GCNT1: variants seen among roughly 807,000 people sequenced by gnomAD.
The protein encoded by GCNT1 is glucosaminyl (N-acetyl) transferase 1.
GCNT1 carries 16 observed loss-of-function variants against 26.2 expected under a neutral mutation model. That is an observed-to-expected ratio of 0.61 (90% CI 0.41 to 0.93). The LOEUF (loss-of-function observed/expected upper bound fraction) is 0.93, where lower values mean the gene tolerates loss of function less well. Among genes scored for constraint, GCNT1 ranks in the 40% least tolerant of loss-of-function variants. GCNT1 has a pLI of 0.00. For synonymous variants in GCNT1, 183 were observed against 190.8 expected (o/e 0.96, Z 0.34); for missense variants, 477 against 526.7 (o/e 0.91, Z 0.92).
chr9:76,446,668 A>G (rs1823582654), intron 1 of GCNT1, among the ~76,000 whole-genome samples: 1 of 152,228 alleles, frequency 6.6e-6, no homozygotes, highest in South Asian at 2.1e-4. Flanking sequence ...AATGGCCATT[A>G]GGGAACTATT....
rs74396124 is a variant in GCNT1, at chr9:76,453,978, G to A, written c.-290+11663G>A. On this transcript the variant is annotated intron_variant, in intron 1 of 2. Transcript: ENST00000442371. ...TAGAAAAAGAGAATGTCGCAATAGG[G>A]GAGGGACGGCATTCTAATAGAATGC... Among the ~76,000 whole-genome samples the A allele has an allele frequency of 1.3e-3, 204 of 152,314 alleles. 1 individual carries two copies. The highest frequency in any genetic ancestry group is 4.8e-3 in the African/African-American group (200 of 41,568).
At chr9:76,455,387 G>A (rs555462095), upstream of GCNT1, among the ~76,000 whole-genome samples, 2 of 152,266 alleles carry the variant, frequency 1.3e-5, no homozygotes, top group South Asian at 4.1e-4. Flanking sequence ...TTTATAAGAT[G>A]AGAATGGAAA....
chr9:76,454,842 CTTTTTTTTTTTT>C (rs1183951605), upstream of GCNT1, among the ~76,000 whole-genome samples: 3 of 105,658 alleles, frequency 2.8e-5, no homozygotes, highest in Non-Finnish European at 5.5e-5. Flanking sequence ...CTTTTCTTTT[CTTTTTTTTTTTT>C]TTTTTTTTTT....
At chr9:76,463,610 T>A (rs1327216232) in intron 2 of GCNT1, among the ~76,000 whole-genome samples, 1 of 152,236 alleles carries the variant, frequency 6.6e-6, no homozygotes, top group African/African-American at 2.4e-5. Flanking sequence ...ATTAGAGTCA[T>A]GGGTACTGGA....
upstream of GCNT1, among the ~76,000 whole-genome samples, chr9:76,418,915 T>C (rs1823154830): frequency 6.6e-6 from 1 of 152,164 alleles, no homozygotes; most frequent in African/African-American, 2.4e-5. Flanking sequence ...TGGAAGGCAA[T>C]TGTGTTTTCT....
intron 2 of GCNT1, among the ~76,000 whole-genome samples, chr9:76,483,940 A>C (rs775686003): frequency 1.3e-5 from 2 of 152,176 alleles, no homozygotes; most frequent in Non-Finnish European, 2.9e-5. Context: ...TCAACCTTCC[A>C]AGTAGCTGGG....
chr9:76,398,648 C>G, the GCNT1 span: 1 of 975,208 alleles, frequency 1.0e-6, no homozygotes, highest in South Asian at 1.4e-5. Flanking sequence ...CAGAGGGGCC[C>G]ATACGGCGTT....
At chr9:76,397,446 T>G in the GCNT1 span, among the ~76,000 whole-genome samples, 2 of 984 alleles carry the variant, frequency 2.0e-3, no homozygotes, top group East Asian at 0.091. Flanking sequence ...AAGAAAGAAT[T>G]TTTTTTTTTT....
chr9:76,482,186 T>C (rs1824440279), intron 2 of GCNT1, among the ~76,000 whole-genome samples: 1 of 152,148 alleles, frequency 6.6e-6, no homozygotes, highest in African/African-American at 2.4e-5. Context: ...CCATGGCGAA[T>C]TGCCTCCCAA....
the GCNT1 span, among the ~76,000 whole-genome samples, chr9:76,396,965 G>A: frequency 6.5e-4 from 99 of 151,536 alleles, no homozygotes; most frequent in African/African-American, 2.4e-3. Flanking sequence ...CCAGCCTAAT[G>A]ACAAAGCAAG....
At chr9:76,423,830 T>C (rs1823229783) in intron 1 of GCNT1, among the ~76,000 whole-genome samples, 1 of 152,242 alleles carries the variant, frequency 6.6e-6, no homozygotes, top group African/African-American at 2.4e-5. Context: ...GCAAGGAATT[T>C]ATTGAGATAG....
chr9:76,474,972 C>T (rs900813379), intron 2 of GCNT1, among the ~76,000 whole-genome samples: 3 of 152,228 alleles, frequency 2.0e-5, no homozygotes, highest in South Asian at 2.1e-4. Flanking sequence ...AGTCTCGCTC[C>T]GTTGCCCAGG....
Position 76,485,531 on chromosome 9 carries a change from A to G in GCNT1, c.-289-15385A>G, listed in dbSNP as rs532687915. Among the ~76,000 whole-genome samples the G allele has an allele frequency of 6.6e-5, 10 of 152,148 alleles. No homozygotes were observed. The South Asian group carries it at 2.1e-3, about 32-fold the overall frequency. On this transcript the variant is annotated intron_variant, in intron 2 of 3. Coordinates refer to ENST00000376730, the MANE Select transcript of GCNT1 (RefSeq NM_001490.5). ...TCTGAACTCTACCTTAGTTATCAAAATCTCTTCTAAATCCATTAATTTACA... is the reference window on the plus strand; with the variant it reads ...TCTGAACTCTACCTTAGTTATCAAAGTCTCTTCTAAATCCATTAATTTACA...
At chr9:76,495,747 T>G (rs1328372751) in intron 2 of GCNT1, among the ~76,000 whole-genome samples, 1 of 152,234 alleles carries the variant, frequency 6.6e-6, no homozygotes, top group East Asian at 1.9e-4. Context: ...GGAATTTGAC[T>G]ACTTCTTGGT....
intron 2 of GCNT1, among the ~76,000 whole-genome samples, chr9:76,467,760 G>A (rs938032454): frequency 3.9e-5 from 6 of 152,126 alleles, no homozygotes; most frequent in African/African-American, 1.2e-4. Flanking sequence ...GACAGAAAAC[G>A]AGGTTGAGAT....
chr9:76,429,715 CTT>C (rs59977325), intron 1 of GCNT1, among the ~76,000 whole-genome samples: 3,301 of 107,134 alleles, frequency 0.031, 89 homozygotes, highest in African/African-American at 0.11. Context: ...TGTTTTCTTT[CTT>C]TTTTTTTTTT....
the GCNT1 span, among the ~76,000 whole-genome samples, chr9:76,400,093 G>A: frequency 7.2e-5 from 11 of 152,198 alleles, no homozygotes; most frequent in Non-Finnish European, 1.3e-4. Flanking sequence ...AGGGAGGGAT[G>A]AATGTGAAGC....
In GCNT1 at chr9:76,443,835, A is replaced by G. The variant is rs548089825; in HGVS notation, c.-290+1520A>G. Among the ~76,000 whole-genome samples, 5 of 151,854 alleles carry G rather than the reference A, an allele frequency of 3.3e-5. No individual in the cohort carries two copies. In the South Asian group the frequency reaches 8.3e-4, roughly 25 times the overall value. On this transcript the variant is annotated intron_variant, in intron 1 of 2. Coordinates refer to the GCNT1 transcript ENST00000442371. ...GGCGGAGGTTTCAGTGAGCCACTGC[A>G]CTCCAGCCTGGGCAACAGAGTGAGA...
chr9:76,493,983 G>A (rs1417064164), intron 2 of GCNT1, among the ~76,000 whole-genome samples: 1 of 152,024 alleles, frequency 6.6e-6, no homozygotes, highest in Non-Finnish European at 1.5e-5. Context: ...TGTCCCAGTG[G>A]CTTAGGATGC....
Sources: allele counts gnomAD v4.1 joint callset (sites outside exome capture counted in the v4.1 genomes callset), GRCh38; gene constraint gnomAD v4.1.1; transcripts MANE v1.5; gene names NCBI Gene and HGNC (gene_info 2026-07-23, HGNC 2026-07-21).